Variants in IL1RAPL1 observed in about 807,000 individuals in gnomAD.
IL1RAPL1 encodes interleukin-1 receptor accessory protein-like 1.
IL1RAPL1 carries 3 observed loss-of-function variants against 48.4 expected under a neutral mutation model. The observed-to-expected ratio is 0.06, with a 90% CI of 0.03 to 0.16. IL1RAPL1 has a LOEUF of 0.16. Among genes scored for constraint, IL1RAPL1 ranks in the 10% least tolerant of loss-of-function variants. The pLI, the probability that IL1RAPL1 is intolerant of heterozygous loss-of-function variation, is 1.00. For synonymous variants in IL1RAPL1, 185 were observed against 187.7 expected, an observed-to-expected ratio of 0.99 and a Z score of 0.12; for missense variants, 349 against 530.6, an observed-to-expected ratio of 0.66 and a Z score of 3.36.
chrX:29,670,640 A>G, intron 6 of IL1RAPL1, among the ~76,000 whole-genome samples: 1 of 112,240 alleles, frequency 8.9e-6, no homozygotes, highest in East Asian at 2.8e-4. Context: ...GTAAGTGAAA[A>G]TAGGAAAGAA....
chrX:29,835,816 G>A (rs771934727), intron 6 of IL1RAPL1, among the ~76,000 whole-genome samples: 8 of 103,243 alleles, frequency 7.7e-5, no homozygotes, highest in East Asian at 3.0e-4. Flanking sequence ...CTTATAATAC[G>A]TTGTATTTCT....
chrX:29,030,663 T>G (rs752194643), intron 2 of IL1RAPL1, among the ~76,000 whole-genome samples: 1 of 111,611 alleles, frequency 9.0e-6, no homozygotes, highest in Non-Finnish European at 1.9e-5. Context: ...TGAATAAATA[T>G]GTTGAACATG....
At chrX:29,319,364 ATTTT>A (rs762918998) in intron 3 of IL1RAPL1, among the ~76,000 whole-genome samples, 8 of 58,135 alleles carry the variant, frequency 1.4e-4, no homozygotes, top group African/African-American at 5.8e-4. Flanking sequence ...GATAAATTTA[ATTTT>A]TTTTTTTTTT....
intron 6 of IL1RAPL1, among the ~76,000 whole-genome samples, chrX:29,684,857 G>A (rs1467199241): frequency 8.9e-6 from 1 of 112,082 alleles, no homozygotes; most frequent in Non-Finnish European, 1.9e-5. Flanking sequence ...GCAAGCAAAA[G>A]CAAGTGGTCT....
intron 2 of IL1RAPL1, among the ~76,000 whole-genome samples, chrX:29,167,951 G>A (rs780730893): frequency 1.6e-4 from 18 of 110,778 alleles, no homozygotes; most frequent in African/African-American, 5.9e-4. Context: ...ATACTAAAAA[G>A]CGATTATCAC....
chrX:29,085,851 G>A (rs1427434303), intron 2 of IL1RAPL1, among the ~76,000 whole-genome samples: 4 of 111,784 alleles, frequency 3.6e-5, no homozygotes, highest in Admixed American at 1.9e-4. Flanking sequence ...AGTTTGGAAA[G>A]GATCTGAAAT....
intron 8 of IL1RAPL1, among the ~76,000 whole-genome samples, chrX:29,931,742 A>G (rs1398166822): frequency 8.9e-6 from 1 of 112,419 alleles, no homozygotes; most frequent in Non-Finnish European, 1.9e-5. Context: ...GCCAATCCAA[A>G]GCATTCCCAA....
At chrX:29,802,775 ATATATATG>A (rs1247740213) in intron 6 of IL1RAPL1, among the ~76,000 whole-genome samples, 27 of 30,666 alleles carry the variant, frequency 8.8e-4, no homozygotes, top group African/African-American at 4.4e-3. Flanking sequence ...ATATATATAT[ATATATATG>A]TGTGTGTGTA....
chrX:29,662,878 C>T (rs1925888607), intron 5 of IL1RAPL1, among the ~76,000 whole-genome samples: 1 of 111,886 alleles, frequency 8.9e-6, no homozygotes, highest in Non-Finnish European at 1.9e-5. Context: ...GGCTCCATGA[C>T]TCCGTGGTTA....
At chrX:29,816,758 C>T (rs1328761783) in intron 6 of IL1RAPL1, among the ~76,000 whole-genome samples, 1 of 109,548 alleles carries the variant, frequency 9.1e-6, no homozygotes, top group Non-Finnish European at 1.9e-5. Context: ...ATTTAATGTG[C>T]CTCATTTTCC....
intron 2 of IL1RAPL1, among the ~76,000 whole-genome samples, chrX:28,827,227 TA>T (rs773769086): frequency 9.0e-6 from 1 of 111,449 alleles, no homozygotes; most frequent in East Asian, 2.8e-4. Flanking sequence ...TAATCTCCAT[TA>T]TTTTAAATTC....
chrX:29,693,407 GT>G (rs1187031455), intron 6 of IL1RAPL1, among the ~76,000 whole-genome samples: 1 of 111,544 alleles, frequency 9.0e-6, no homozygotes, highest in Non-Finnish European at 1.9e-5. Context: ...GTCATTATGG[GT>G]TTGTGCTTAA....
intron 5 of IL1RAPL1, among the ~76,000 whole-genome samples, chrX:29,609,861 G>T (rs1053841244): frequency 8.9e-6 from 1 of 112,124 alleles, no homozygotes; most frequent in African/African-American, 3.2e-5. Context: ...AGACAGGGCA[G>T]ATCTAGGGAT....
At chrX:29,005,841 T>G (rs957388357) in intron 2 of IL1RAPL1, among the ~76,000 whole-genome samples, 2 of 112,153 alleles carry the variant, frequency 1.8e-5, no homozygotes, top group Non-Finnish European at 3.8e-5. Context: ...TCATGTGTCT[T>G]GACATTGGCC....
At chrX:28,866,914 A>G (rs1922091181) in intron 2 of IL1RAPL1, among the ~76,000 whole-genome samples, 3 of 112,010 alleles carry the variant, frequency 2.7e-5, no homozygotes, top group South Asian at 3.7e-4. Context: ...TCATAACAAG[A>G]TGATATAGTA....
intron 1 of IL1RAPL1, among the ~76,000 whole-genome samples, chrX:28,601,827 A>G (rs920996336): frequency 9.0e-6 from 1 of 110,995 alleles, no homozygotes; most frequent in Non-Finnish European, 1.9e-5. Context: ...AAAGTTGGCC[A>G]GGTATGGTGG....
rs180829098 is a variant in IL1RAPL1, at chrX:29,007,219, A to G, written c.82+217794A>G. Among the ~76,000 whole-genome samples the G allele has an allele frequency of 5.9e-4, 66 of 111,943 alleles. No homozygotes were observed. The East Asian group carries it at 0.015, about 26-fold the overall frequency. On this transcript the variant is annotated intron_variant, in intron 2 of 10. Coordinates refer to ENST00000378993, the MANE Select transcript of IL1RAPL1 (RefSeq NM_014271.4). ...AATTTTGCTATAGTTGTTAGAGAGAAGGAGTTAGATGATTTTTATTCCTGT... is the reference window on the plus strand; with the variant it reads ...AATTTTGCTATAGTTGTTAGAGAGAGGGAGTTAGATGATTTTTATTCCTGT...
chrX:29,954,797 G>C (rs941657209), intron 10 of IL1RAPL1, 105 bp downstream of exon 10: 2 of 700,347 alleles, frequency 2.9e-6, no homozygotes, highest in African/African-American at 4.2e-5. Flanking sequence ...TTCAAAATTT[G>C]TATCTGTTAG....
At chrX:28,747,184 CT>C (rs999054654) in intron 1 of IL1RAPL1, among the ~76,000 whole-genome samples, 5 of 111,247 alleles carry the variant, frequency 4.5e-5, no homozygotes, top group African/African-American at 1.6e-4. Flanking sequence ...ATTGTTACCC[CT>C]CCCATTAGTC....
Sources: gnomAD v4.1 joint callset for allele counts (sites outside exome capture counted in the v4.1 genomes callset) on GRCh38, gnomAD v4.1.1 for gene constraint, MANE v1.5 for transcripts, NCBI Gene and HGNC (gene_info 2026-07-23, HGNC 2026-07-21) for gene names.